The following ANKS1B variants were observed in gnomAD, a reference collection of about 807,000 sequenced individuals.
ANKS1B encodes the protein ankyrin repeat and sterile alpha motif domain-containing protein 1B.
Under a neutral mutation model 148.3 loss-of-function variants are expected in ANKS1B, and 36 were observed. That is an observed-to-expected ratio of 0.24 (90% CI 0.19 to 0.32). The LOEUF (loss-of-function observed/expected upper bound fraction) is 0.32. ANKS1B is among the 10% of genes least tolerant of loss of function. The pLI, the probability that ANKS1B is intolerant of heterozygous loss-of-function variation, is 1.00. For synonymous variants in ANKS1B, 542 were observed against 560.8 expected (o/e 0.97, Z 0.47); for missense variants, 1,157 against 1,542.6 (o/e 0.75, Z 4.19).
At chr12:99,886,960 A>C (rs2092853802) in intron 1 of ANKS1B, among the ~76,000 whole-genome samples, 2 of 152,254 alleles carry the variant, frequency 1.3e-5, no homozygotes, top group South Asian at 4.1e-4. Flanking sequence ...AACAACCAGC[A>C]ACATTAATAA....
At chr12:98,896,241 C>CA (rs1246037888) in intron 17 of ANKS1B, among the ~76,000 whole-genome samples, 1 of 152,214 alleles carries the variant, frequency 6.6e-6, no homozygotes, top group East Asian at 1.9e-4. Context: ...TAAGGCTAGG[C>CA]ATTTACTGCC....
intron 9 of ANKS1B, among the ~76,000 whole-genome samples, chr12:99,534,710 C>CTTTTTTTTTTTTT (rs143251962): frequency 5.7e-5 from 7 of 123,830 alleles, no homozygotes; most frequent in East Asian, 2.4e-4. Flanking sequence ...TTTTTCTTTT[C>CTTTTTTTTTTTTT]TTTTTTTTTT....
chr12:98,850,498 C>T (rs1054386403), intron 17 of ANKS1B, among the ~76,000 whole-genome samples: 9 of 110,114 alleles, frequency 8.2e-5, no homozygotes, highest in African/African-American at 3.0e-4. Flanking sequence ...GACGGAGTCT[C>T]ACTCTGTCGC....
intron 17 of ANKS1B, among the ~76,000 whole-genome samples, chr12:98,966,178 C>G (rs1014443510): frequency 2.0e-5 from 3 of 152,072 alleles, no homozygotes; most frequent in African/African-American, 7.2e-5. Context: ...CCAGAATCTA[C>G]AAAGAACTCA....
chr12:99,423,462 A>G (rs1187521824), intron 11 of ANKS1B, among the ~76,000 whole-genome samples: 2 of 152,176 alleles, frequency 1.3e-5, no homozygotes, highest in African/African-American at 2.4e-5. Flanking sequence ...AATACCTTTC[A>G]ACCCAGCAAT....
At chr12:98,975,643 G>C (rs1445286067) in intron 17 of ANKS1B, among the ~76,000 whole-genome samples, 1 of 152,042 alleles carries the variant, frequency 6.6e-6, no homozygotes, top group Admixed American at 6.6e-5. Flanking sequence ...GAGCATTTTT[G>C]TTTGGTTTTT....
intron 22 of ANKS1B, chr12:98,794,508 C>A (rs2098929422): frequency 2.1e-6 from 1 of 484,112 alleles, no homozygotes; most frequent in South Asian, 1.9e-5. Flanking sequence ...AGTGTTATTT[C>A]TGTCTGGGGC....
chr12:99,256,142 C>T (rs1340230106), intron 12 of ANKS1B, among the ~76,000 whole-genome samples: 3 of 151,142 alleles, frequency 2.0e-5, no homozygotes, highest in Non-Finnish European at 2.9e-5. Flanking sequence ...CCTAGCTACT[C>T]GAGAGGTTGA....
intron 17 of ANKS1B, among the ~76,000 whole-genome samples, chr12:98,851,555 C>T (rs563074696): frequency 1.3e-5 from 2 of 152,238 alleles, no homozygotes; most frequent in East Asian, 3.9e-4. Flanking sequence ...AGTAGCAGGA[C>T]TGGGGGATAT....
chr12:99,818,562 A>G (rs1034763278), intron 2 of ANKS1B, among the ~76,000 whole-genome samples: 1 of 151,890 alleles, frequency 6.6e-6, no homozygotes, highest in African/African-American at 2.4e-5. Context: ...GTAAAGTAGC[A>G]TTTTCTGATA....
At chr12:98,999,437 G>A (rs538857183) in intron 17 of ANKS1B, among the ~76,000 whole-genome samples, 3 of 152,114 alleles carry the variant, frequency 2.0e-5, no homozygotes, top group South Asian at 2.1e-4. Context: ...CTGGGTCTCC[G>A]CATCTTGGTG....
chr12:99,173,256 A>C (rs2077993038), intron 14 of ANKS1B, among the ~76,000 whole-genome samples: 1 of 152,212 alleles, frequency 6.6e-6, no homozygotes, highest in African/African-American at 2.4e-5. Context: ...GTCAACTGGT[A>C]AATCTCTAAT....
chr12:99,843,111 G>A (rs1456318430), intron 1 of ANKS1B, among the ~76,000 whole-genome samples: 1 of 152,014 alleles, frequency 6.6e-6, no homozygotes, highest in East Asian at 1.9e-4. Flanking sequence ...TATGCATAAC[G>A]TGCAGGCTTG....
intron 8 of ANKS1B, among the ~76,000 whole-genome samples, chr12:99,705,490 C>T (rs937519991): frequency 6.6e-6 from 1 of 152,064 alleles, no homozygotes; most frequent in Admixed American, 6.6e-5. Flanking sequence ...ATGGAATCAA[C>T]CTAAAGCAAA....
At chr12:98,818,899 T>C (rs1431190778) in intron 19 of ANKS1B, among the ~76,000 whole-genome samples, 1 of 152,240 alleles carries the variant, frequency 6.6e-6, no homozygotes, top group African/African-American at 2.4e-5. Flanking sequence ...CATTTCTTCA[T>C]TTTATCCTTG....
intron 16 of ANKS1B, among the ~76,000 whole-genome samples, chr12:99,076,077 A>T (rs1220938316): frequency 6.6e-6 from 1 of 152,138 alleles, no homozygotes; most frequent in Middle Eastern, 3.4e-3. Flanking sequence ...GTGCTAAGGG[A>T]AATGACTAGT....
chr12:98,808,461 C>T (rs527616089), intron 19 of ANKS1B, among the ~76,000 whole-genome samples: 6 of 152,210 alleles, frequency 3.9e-5, no homozygotes, highest in South Asian at 2.1e-4. Flanking sequence ...CAAAGGAAGA[C>T]GTGTCAGCTT....
intron 16 of ANKS1B, among the ~76,000 whole-genome samples, chr12:99,081,016 A>C (rs75011923): frequency 0.011 from 1,616 of 152,310 alleles, 31 homozygotes; most frequent in African/African-American, 0.037. Flanking sequence ...TAAGCTTTAC[A>C]AAAGGTCAAG....
rs554389017 is a variant in ANKS1B at position 98,962,929 on chromosome 12, C to G, written c.2778+90228G>C. On this transcript the variant is annotated intron_variant, in intron 17 of 26. Transcript: ENST00000683438. ...TGGAAACACAACATACCAAAACCTA[C>G]GGGATACAGCGAAGCCAGTACTAAA... Among the ~76,000 whole-genome samples, 96 of 152,158 alleles carry G rather than the reference C, an allele frequency of 6.3e-4. 3 individuals are homozygous for G. In the South Asian group the frequency reaches 0.019, roughly 30 times the overall value.
Sources: allele counts gnomAD v4.1 joint callset (sites outside exome capture counted in the v4.1 genomes callset), GRCh38; gene constraint gnomAD v4.1.1; transcripts MANE v1.5; gene names NCBI Gene and HGNC (gene_info 2026-07-23, HGNC 2026-07-21).